HUNK: variants seen among roughly 807,000 people sequenced by gnomAD.
The protein encoded by HUNK is hormonally up-regulated neu tumor-associated kinase.
HUNK carries 21 observed loss-of-function variants against 61.0 expected under a neutral mutation model. That is an observed-to-expected ratio of 0.34 (90% confidence interval 0.24 to 0.50). The LOEUF (loss-of-function observed/expected upper bound fraction) is 0.50. Among genes scored for constraint, HUNK ranks in the 20% least tolerant of loss-of-function variants. The pLI is 0.98. For missense variants in HUNK, 772 were observed against 945.7 expected, an observed-to-expected ratio of 0.82 and a Z score of 2.41; for synonymous variants, 371 against 386.1, an observed-to-expected ratio of 0.96 and a Z score of 0.46.
At chr21:31,974,858 T>A in intron 7 of HUNK, 141 bp downstream of exon 7, 1 of 790,528 alleles carries the variant, frequency 1.3e-6, no homozygotes, top group Non-Finnish European at 1.9e-6. Context: ...GAATGTGGGA[T>A]AAAGTCGTAG....
intron 4 of HUNK, among the ~76,000 whole-genome samples, chr21:31,948,744 C>T (rs1601393142): frequency 6.6e-6 from 1 of 152,102 alleles, no homozygotes; most frequent in East Asian, 1.9e-4. Context: ...GCTGGAAGGT[C>T]AGGGCTGAAG....
In HUNK at chr21:31,998,991, T is replaced by C. The variant is rs2053226997; in HGVS notation, c.1952T>C (p.Leu651Pro). The C allele has an allele frequency of 1.2e-6, 2 of 1,614,184 alleles. No homozygotes were observed. Among genetic ancestry groups the C allele is most frequent in the South Asian group, 1.1e-5 (1 of 91,082 alleles). ...PVPSNGPMQPLGSPNCVKSRG... is the reference protein window; with the variant it reads ...PVPSNGPMQPPGSPNCVKSRG... ...CCCAGCAATGGCCCCATGCAGCCTCTGGGGAGCCCCAATTGTGTGAAAAGC... is the reference window on the plus strand; with the variant it reads ...CCCAGCAATGGCCCCATGCAGCCTCCGGGGAGCCCCAATTGTGTGAAAAGC... Residue 651 changes from leucine (L) to proline (P), a missense_variant, in exon 11 of 11, where the codon CTG becomes CCG. This residue lies in a region of HUNK where 413 missense variants were observed against 444.4 expected (regional missense o/e 0.93). Coordinates refer to ENST00000270112, the MANE Select transcript of HUNK (RefSeq NM_014586.2).
chr21:31,918,807 C>A (rs756370835), intron 1 of HUNK, among the ~76,000 whole-genome samples: 1 of 152,194 alleles, frequency 6.6e-6, no homozygotes, highest in African/African-American at 2.4e-5. Context: ...AGAGTCCCAT[C>A]CCCCTAAAGA....
chr21:31,895,116 T>C (rs1345183435), intron 1 of HUNK, among the ~76,000 whole-genome samples: 1 of 152,226 alleles, frequency 6.6e-6, no homozygotes, highest in Non-Finnish European at 1.5e-5. Context: ...AGAAGCAAGG[T>C]GAAGAATTTG....
At chr21:31,992,634 C>T (rs2123255326) in intron 9 of HUNK, among the ~76,000 whole-genome samples, 1 of 152,324 alleles carries the variant, frequency 6.6e-6, no homozygotes, top group South Asian at 2.1e-4. Flanking sequence ...GGAGTCTCTG[C>T]AGGCGGCAGC....
At position 31,962,764 on chromosome 21, in the gene HUNK, C is replaced by CT. The variant is rs543068253; in HGVS notation, c.874+3800dup. Among the ~76,000 whole-genome samples the CT allele has an allele frequency of 5.9e-5, 9 of 152,326 alleles. No individual in the cohort carries two copies. The East Asian group carries it at 1.7e-3, about 29-fold the overall frequency. On this transcript the variant is annotated intron_variant, in intron 5 of 10. Transcript: ENST00000270112. ...AATAACTATTGGGATATAGAAATAT[C>CT]TTTTTTCAACTAGGATTGAAATCCT... is the stretch of plus-strand genomic sequence containing the variant.
At chr21:31,877,492 T>C (rs1483068252) in intron 1 of HUNK, among the ~76,000 whole-genome samples, 3 of 152,238 alleles carry the variant, frequency 2.0e-5, no homozygotes, top group Non-Finnish European at 2.9e-5. Flanking sequence ...ATGGCTCTTT[T>C]ACTGCTTGTA....
intron 9 of HUNK, among the ~76,000 whole-genome samples, chr21:31,992,004 C>T (rs531750545): frequency 6.6e-6 from 1 of 152,362 alleles, no homozygotes; most frequent in East Asian, 1.9e-4. Flanking sequence ...ACACCTCCCT[C>T]GAGGAGAAGT....
chr21:31,910,126 G>C (rs1228533225), intron 1 of HUNK, among the ~76,000 whole-genome samples: 1 of 152,180 alleles, frequency 6.6e-6, no homozygotes, highest in Non-Finnish European at 1.5e-5. Context: ...GTTTCATAAA[G>C]GTTCTGCTTT....
chr21:31,959,076 C>A, intron 5 of HUNK, 106 bp downstream of exon 5: 2 of 1,163,410 alleles, frequency 1.7e-6, no homozygotes, highest in Non-Finnish European at 2.3e-6. Flanking sequence ...TTATGTCTAT[C>A]CCATGGTTAT....
At chr21:31,994,086 A>C (rs1329251728) in intron 9 of HUNK, among the ~76,000 whole-genome samples, 1 of 152,252 alleles carries the variant, frequency 6.6e-6, no homozygotes, top group Non-Finnish European at 1.5e-5. Context: ...AGGAGGTAGC[A>C]GAATTTGCCT....
intron 10 of HUNK, among the ~76,000 whole-genome samples, chr21:31,997,814 A>G (rs2053216515): frequency 6.6e-6 from 1 of 152,222 alleles, no homozygotes; most frequent in Admixed American, 6.5e-5. Flanking sequence ...GCAGGAATTC[A>G]GTCAAGGGAC....
chr21:31,989,713 C>CAAAA (rs758563763), intron 8 of HUNK, among the ~76,000 whole-genome samples: 44 of 80,086 alleles, frequency 5.5e-4, no homozygotes, highest in Admixed American at 7.7e-4. Context: ...GACTCGGTCT[C>CAAAA]AAAAAAAAAA....
chr21:31,900,659 G>T (rs1169398687), intron 1 of HUNK, among the ~76,000 whole-genome samples: 1 of 152,190 alleles, frequency 6.6e-6, no homozygotes, highest in East Asian at 1.9e-4. Flanking sequence ...CCCTGCGCGT[G>T]CAGTGATACC....
At chr21:31,974,480 T>C (rs540029993) in intron 6 of HUNK, 75 bp from the exon 7 acceptor site, 6 of 1,357,150 alleles carry the variant, frequency 4.4e-6, no homozygotes, top group Non-Finnish European at 6.0e-6. Flanking sequence ...ATGAAGCTGA[T>C]TGTGCCCAGG....
chr21:31,999,003 A>C lies in HUNK; in HGVS notation c.1964A>C (p.Asn655Thr), dbSNP rs552603882. 5 of 1,614,132 alleles carry C rather than the reference A, an allele frequency of 3.1e-6. No individual in the cohort carries two copies. In the East Asian group the frequency reaches 1.1e-4, roughly 36 times the overall value. ...CCCATGCAGCCTCTGGGGAGCCCCA[A>C]TTGTGTGAAAAGCCGAGGCCGGTTC... The part of the protein sequence containing the change: ...NGPMQPLGSP[N>T]CVKSRGRFPM... Residue 655 changes from asparagine (N) to threonine (T), a missense_variant, in exon 11 of 11, where the codon AAT (asparagine) becomes ACT (threonine). Asn to Thr is a moderately conservative substitution (Grantham distance 65). Transcript: ENST00000270112.
intron 2 of HUNK, among the ~76,000 whole-genome samples, chr21:31,934,164 C>T (rs909764093): frequency 1.3e-5 from 2 of 151,730 alleles, no homozygotes; most frequent in African/African-American, 2.4e-5. Flanking sequence ...TTATAATACA[C>T]GAATACTGAG....
At chr21:31,926,984 CCTTT>C (rs1042890985) in intron 2 of HUNK, among the ~76,000 whole-genome samples, 19 of 146,516 alleles carry the variant, frequency 1.3e-4, no homozygotes, top group Admixed American at 7.5e-4. Flanking sequence ...TTTCTTTCTT[CCTTT>C]CTTTCTTTCT....
At chr21:31,934,963 T>C (rs898384536) in intron 2 of HUNK, among the ~76,000 whole-genome samples, 2 of 152,128 alleles carry the variant, frequency 1.3e-5, no homozygotes, top group Admixed American at 1.3e-4. Context: ...AGCGCTGTAG[T>C]GTCTTTTGGG....
Sources: allele counts gnomAD v4.1 joint callset (sites outside exome capture counted in the v4.1 genomes callset), GRCh38; gene constraint gnomAD v4.1.1; regional missense constraint gnomAD v4.1.1; transcripts MANE v1.5; gene names NCBI Gene and HGNC (gene_info 2026-07-23, HGNC 2026-07-21).